The following LACTB variants were observed in gnomAD, a reference collection of about 807,000 sequenced individuals.
LACTB encodes serine beta-lactamase-like protein LACTB, mitochondrial.
A neutral mutation model predicts 50.2 loss-of-function variants in LACTB; 35 were observed. That is an observed-to-expected ratio of 0.70 (90% CI 0.53 to 0.92). The LOEUF (loss-of-function observed/expected upper bound fraction) is 0.92. Ranked by LOEUF, LACTB falls within the 40% of genes least tolerant of loss-of-function variation. LACTB has a pLI of 0.00. For synonymous variants in LACTB, 252 were observed against 268.2 expected (o/e 0.94, Z 0.59); for missense variants, 664 against 691.8 (o/e 0.96, Z 0.45).
At chr15:63,136,427 T>G (rs1317272337) in intron 5 of LACTB, among the ~76,000 whole-genome samples, 2 of 152,164 alleles carry the variant, frequency 1.3e-5, no homozygotes, top group African/African-American at 4.8e-5. Flanking sequence ...GGTTTTTTTG[T>G]TTTGTCTTGT....
chr15:63,135,037 TTTA>T (rs1398620562), intron 5 of LACTB, among the ~76,000 whole-genome samples: 3 of 152,232 alleles, frequency 2.0e-5, no homozygotes, highest in Non-Finnish European at 4.4e-5. Context: ...TATTTTCCAT[TTTA>T]TTATTTGATT....
At chr15:63,134,812 A>ATATGTGTGTGTG (rs140770068) in intron 5 of LACTB, among the ~76,000 whole-genome samples, 9 of 148,508 alleles carry the variant, frequency 6.1e-5, no homozygotes, top group African/African-American at 2.0e-4. Context: ...TGTGTGTGTG[A>ATATGTGTGTGTG]TGTGTGTGTG....
At chr15:63,122,779 C>T in intron 2 of LACTB, 77 bp downstream of exon 2, 3 of 970,838 alleles carry the variant, frequency 3.1e-6, no homozygotes, top group Non-Finnish European at 5.0e-6. Flanking sequence ...GAGTGGATCC[C>T]ATGAAATGCT....
At position 63,141,307 on chromosome 15, in the gene LACTB, T is replaced by A; in HGVS notation, c.1146T>A (p.Arg382=). The A allele has an allele frequency of 1.3e-6, 2 of 1,597,536 alleles. No homozygotes were observed. The highest frequency in any genetic ancestry group is 1.7e-6 in the Non-Finnish European group (2 of 1,171,268). ...ARFYVYNKKK[R]LVNTPYVDNS... is the part of the protein sequence containing the mutation. Reference sequence around the variant, plus strand: ...TTTATGTTTACAATAAAAAGAAACGTCTTGTCAACACACCTTACGTGGATA... The same window carrying A: ...TTTATGTTTACAATAAAAAGAAACGACTTGTCAACACACCTTACGTGGATA... The change falls in exon 6 of 6, where the codon CGT becomes CGA. Residue 382 remains arginine, a synonymous_variant. Transcript: ENST00000261893.
chr15:63,134,279 G>A (rs951793623), intron 5 of LACTB, among the ~76,000 whole-genome samples: 2 of 152,016 alleles, frequency 1.3e-5, no homozygotes, highest in Non-Finnish European at 2.9e-5. Flanking sequence ...AGGTAGTAAA[G>A]GTAAATATAA....
rs1454778096 is a variant in LACTB, at chr15:63,122,025, C to G, written c.154C>G (p.Leu52Val). ...GGLGLGLGLA[L>V]GVKLAGGLRG... The stretch of plus-strand genomic sequence containing the variant: ...CCTCGGGCTGGGGCTGGGGCTGGCG[C>G]TCGGGGTGAAGCTGGCAGGTGGGCT... The change falls in exon 1 of 6, where the codon CTC becomes GTC. Residue 52 changes from leucine to valine, a missense_variant. Coordinates refer to ENST00000261893, the MANE Select transcript of LACTB (RefSeq NM_032857.5). 1 of 1,403,330 alleles carries G rather than the reference C, an allele frequency of 7.1e-7. No homozygotes were observed. Among genetic ancestry groups the G allele is most frequent in the Middle Eastern group, 2.5e-4 (1 of 3,980 alleles). 86.9% of individuals were successfully genotyped at this position (1,403,330 alleles called of 1,614,324 possible).
intron 5 of LACTB, among the ~76,000 whole-genome samples, chr15:63,140,704 C>A (rs913048696): frequency 1.3e-5 from 2 of 152,098 alleles, no homozygotes; most frequent in Non-Finnish European, 2.9e-5. Flanking sequence ...TGGACTCAAA[C>A]TCCTGGGCTC....
intron 5 of LACTB, among the ~76,000 whole-genome samples, chr15:63,140,507 T>C (rs896014932): frequency 6.6e-6 from 1 of 152,206 alleles, no homozygotes; most frequent in East Asian, 1.9e-4. Flanking sequence ...CTCAATATTA[T>C]GACTTGTACT....
intron 2 of LACTB, among the ~76,000 whole-genome samples, chr15:63,126,574 C>T (rs74021919): frequency 0.011 from 1,696 of 152,212 alleles, 39 homozygotes; most frequent in African/African-American, 0.039. Context: ...TGTGGAATAA[C>T]TCAGTTGTTT....
chr15:63,136,645 A>G (rs2037180527), intron 5 of LACTB, among the ~76,000 whole-genome samples: 1 of 152,166 alleles, frequency 6.6e-6, no homozygotes, highest in South Asian at 2.1e-4. Context: ...TGTAATAATT[A>G]TTTTAAAGGA....
At chr15:63,123,619 C>T (rs1472823294) in intron 2 of LACTB, among the ~76,000 whole-genome samples, 1 of 152,132 alleles carries the variant, frequency 6.6e-6, no homozygotes, top group African/African-American at 2.4e-5. Context: ...GGATACAAAG[C>T]AAAAGGGGCA....
intron 5 of LACTB, among the ~76,000 whole-genome samples, chr15:63,135,650 T>C (rs1017778989): frequency 1.3e-5 from 2 of 152,176 alleles, no homozygotes; most frequent in African/African-American, 4.8e-5. Context: ...GCCCAGGAAG[T>C]TGATGCCGCA....
In LACTB at chr15:63,122,138, C is replaced by G. The variant is rs919979369; in HGVS notation, c.267C>G (p.Ala89=). Residue 89 remains alanine, a synonymous_variant, in exon 1 of 6, where the codon GCC becomes GCG. Coordinates refer to ENST00000261893, the MANE Select transcript of LACTB (RefSeq NM_032857.5). ...AGCCGCCACAGGAGCAGTCCCTCGC[C>G]CCGTGGTCTCCGCAGACCCCGGCGC... ...LAEPPQEQSL[A]PWSPQTPAPP... The G allele has an allele frequency of 4.7e-6, 7 of 1,500,546 alleles. No individual in the cohort carries two copies. Among genetic ancestry groups the G allele is most frequent in the African/African-American group, 4.3e-5 (3 of 68,970 alleles). 93.0% of individuals were successfully genotyped at this position (1,500,546 alleles called of 1,614,324 possible).
Position 63,141,726 on chromosome 15 carries a change from T to A in LACTB, c.1565T>A (p.Ile522Lys). ...VPPRGIIVSIICNMQSVGLNS... is the reference protein window; with the variant it reads ...VPPRGIIVSIKCNMQSVGLNS... ...CCAAGAGGAATCATTGTTTCTATCA[T>A]ATGTAACATGCAATCTGTTGGCCTC... is the stretch of plus-strand genomic sequence containing the variant. Residue 522 changes from isoleucine to lysine, a missense_variant, in exon 6 of 6, where the codon ATA (isoleucine) becomes AAA (lysine). Transcript: ENST00000261893. 1.2e-6 allele frequency: 2 copies of A among 1,614,166 alleles called. No homozygotes were observed. Among genetic ancestry groups the A allele is most frequent in the Non-Finnish European group, 1.7e-6 (2 of 1,180,018 alleles).
chr15:63,123,615 A>G (rs2037007944), intron 2 of LACTB, among the ~76,000 whole-genome samples: 1 of 152,184 alleles, frequency 6.6e-6, no homozygotes, highest in African/African-American at 2.4e-5. Flanking sequence ...TATTGGATAC[A>G]AAGCAAAAGG....
chr15:63,139,198 A>C (rs868027664), intron 5 of LACTB, among the ~76,000 whole-genome samples: 50,508 of 135,488 alleles, frequency 0.37, 10,242 homozygotes, highest in East Asian at 0.75. Flanking sequence ...AAAATCCAAA[A>C]AAAAAAAAAA....
chr15:63,130,197 T>C (rs2037111688), intron 5 of LACTB: 1 of 152,294 alleles, frequency 6.6e-6, no homozygotes. Flanking sequence ...TTTACATGTG[T>C]ATTTTCTAAA....
In LACTB at chr15:63,122,069, G is replaced by A; in HGVS notation, c.198G>A (p.Ala66=). 1 of 1,442,106 alleles carries A rather than the reference G, an allele frequency of 6.9e-7. No homozygotes were observed. Among genetic ancestry groups the A allele is most frequent in the East Asian group, 3.0e-5 (1 of 33,290 alleles). 89.3% of individuals were successfully genotyped at this position (1,442,106 alleles called of 1,614,324 possible). ...LAGGLRGAAP[A]QSPAAPDPEA... is the part of the protein sequence containing the mutation. ...GTGGGCTGAGGGGCGCGGCCCCGGC[G>A]CAGTCCCCCGCGGCCCCCGACCCTG... is the stretch of plus-strand genomic sequence containing the variant. The change falls in exon 1 of 6, where the codon GCG becomes GCA. Residue 66 remains alanine, a synonymous_variant. Transcript: ENST00000261893.
intron 4 of LACTB, among the ~76,000 whole-genome samples, chr15:63,128,877 G>T (rs2037092381): frequency 6.6e-6 from 1 of 151,984 alleles, no homozygotes; most frequent in Non-Finnish European, 1.5e-5. Context: ...CTGAGTAGCT[G>T]GGATTATGGG....
Sources: allele counts gnomAD v4.1 joint callset (sites outside exome capture counted in the v4.1 genomes callset), GRCh38; gene constraint gnomAD v4.1.1; transcripts MANE v1.5; gene names NCBI Gene and HGNC (gene_info 2026-07-23, HGNC 2026-07-21).